CDH18: variants seen among roughly 807,000 people sequenced by gnomAD.
CDH18 encodes the protein cadherin 18, also known as cadherin-18.
In CDH18, 31 loss-of-function variants were observed where a neutral mutation model predicts 67.9. That is an observed-to-expected ratio of 0.46 (90% CI 0.34 to 0.62). CDH18 has a LOEUF of 0.62. Ranked by LOEUF, CDH18 falls within the 20% of genes least tolerant of loss-of-function variation. The pLI is 0.01. For missense variants in CDH18, 890 were observed against 975.5 expected, an observed-to-expected ratio of 0.91 and a Z score of 1.17; for synonymous variants, 362 against 347.2, an observed-to-expected ratio of 1.04 and a Z score of -0.48.
At chr5:19,702,944 C>G (rs1414196604) in intron 5 of CDH18, among the ~76,000 whole-genome samples, 2 of 152,166 alleles carry the variant, frequency 1.3e-5, no homozygotes, top group African/African-American at 4.8e-5. Context: ...GGACATGTTC[C>G]TGCTGCAGAT....
chr5:20,465,699 T>C (rs11954275), intron 1 of CDH18, among the ~76,000 whole-genome samples: 76,053 of 151,734 alleles, frequency 0.5, 19,372 homozygotes, highest in Middle Eastern at 0.53. Flanking sequence ...TTGTTGTGTT[T>C]ATGCAATCTG....
Position 20,046,646 on chromosome 5 carries a change from TTA to T in CDH18, c.-517-54634_-517-54633del, listed in dbSNP as rs561486623. Among the ~76,000 whole-genome samples the T allele has an allele frequency of 2.7e-3, 398 of 148,798 alleles. 1 individual carries two copies. The highest frequency in any genetic ancestry group is 9.2e-3 in the African/African-American group (378 of 40,970). On this transcript the variant is annotated intron_variant, in intron 2 of 14. Transcript: ENST00000507958. Reference sequence around the variant, plus strand: ...ATATAAAATATATAAAATATAAATTTTATATGTCTGTGTGAATATGTGTGTGT... The same window carrying T: ...ATATAAAATATATAAAATATAAATTTTATGTCTGTGTGAATATGTGTGTGT...
chr5:20,433,999 A>G (rs1291348844), intron 1 of CDH18, among the ~76,000 whole-genome samples: 1 of 152,102 alleles, frequency 6.6e-6, no homozygotes, highest in Non-Finnish European at 1.5e-5. Flanking sequence ...CATTGAGTTC[A>G]ACAACCATTT....
intron 2 of CDH18, among the ~76,000 whole-genome samples, chr5:20,175,223 A>G (rs1006335836): frequency 2.6e-5 from 4 of 152,046 alleles, no homozygotes. Flanking sequence ...TAACAGAGAG[A>G]GGAAAGAGAG....
intron 7 of CDH18, among the ~76,000 whole-genome samples, chr5:19,584,727 C>A (rs1250622439): frequency 1.6e-5 from 2 of 125,542 alleles, no homozygotes; most frequent in Admixed American, 1.0e-4. Flanking sequence ...GCTGGCAGAT[C>A]GTTTGGGCTC....
At chr5:20,280,369 C>T (rs1374449717) in intron 1 of CDH18, among the ~76,000 whole-genome samples, 1 of 152,058 alleles carries the variant, frequency 6.6e-6, no homozygotes, top group African/African-American at 2.4e-5. Flanking sequence ...CTCCTCCCAC[C>T]CAACAAAAGG....
intron 2 of CDH18, among the ~76,000 whole-genome samples, chr5:20,137,634 G>C (rs1749851541): frequency 1.3e-5 from 2 of 152,068 alleles, no homozygotes; most frequent in South Asian, 4.1e-4. Context: ...TTGCTGGCAA[G>C]GAGCTGCATT....
chr5:20,447,066 A>G (rs1750059178), intron 1 of CDH18, among the ~76,000 whole-genome samples: 1 of 152,144 alleles, frequency 6.6e-6, no homozygotes, highest in Admixed American at 6.6e-5. Context: ...TTCCTATAAC[A>G]TTTAACTTTG....
intron 2 of CDH18, among the ~76,000 whole-genome samples, chr5:20,206,646 A>T (rs1388834192): frequency 6.6e-6 from 1 of 151,988 alleles, no homozygotes; most frequent in Non-Finnish European, 1.5e-5. Flanking sequence ...AGAGGGGTTC[A>T]TCCCAGGATA....
chr5:20,517,918 T>C (rs1366353207), intron 1 of CDH18, among the ~76,000 whole-genome samples: 1 of 152,110 alleles, frequency 6.6e-6, no homozygotes. Context: ...ATTGAAGTTA[T>C]AGTTTTCTGT....
At chr5:20,128,170 T>C (rs1211440495) in intron 2 of CDH18, among the ~76,000 whole-genome samples, 2 of 152,060 alleles carry the variant, frequency 1.3e-5, no homozygotes, top group African/African-American at 2.4e-5. Context: ...CTAAACAGCC[T>C]ATTAATGTTT....
intron 3 of CDH18, among the ~76,000 whole-genome samples, chr5:19,836,150 T>G (rs74769277): frequency 0.041 from 6,313 of 152,246 alleles, 444 homozygotes; most frequent in African/African-American, 0.14. Context: ...ATAAAATATT[T>G]TTAATAATAA....
intron 2 of CDH18, among the ~76,000 whole-genome samples, chr5:20,125,788 A>T (rs756702265): frequency 2.0e-5 from 3 of 152,100 alleles, no homozygotes; most frequent in Non-Finnish European, 4.4e-5. Flanking sequence ...TACCACTGAG[A>T]CAATCATAGT....
intron 1 of CDH18, among the ~76,000 whole-genome samples, chr5:20,286,619 A>C (rs548463572): frequency 6.6e-6 from 1 of 151,774 alleles, no homozygotes; most frequent in East Asian, 1.9e-4. Flanking sequence ...TGTTTATTAA[A>C]CTTTTGCTCA....
intron 2 of CDH18, among the ~76,000 whole-genome samples, chr5:19,879,675 C>A (rs968654966): frequency 1.3e-5 from 2 of 151,786 alleles, no homozygotes; most frequent in East Asian, 3.9e-4. Context: ...TTAGAAACAC[C>A]AAAATATGAA....
At chr5:19,530,839 G>A (rs1369871046) in intron 9 of CDH18, among the ~76,000 whole-genome samples, 1 of 152,086 alleles carries the variant, frequency 6.6e-6, no homozygotes, top group East Asian at 1.9e-4. Flanking sequence ...ATCGTTGTTG[G>A]ACATTTGGCT....
intron 5 of CDH18, among the ~76,000 whole-genome samples, chr5:19,627,128 A>C (rs982331148): frequency 6.6e-6 from 1 of 152,176 alleles, no homozygotes; most frequent in East Asian, 1.9e-4. Context: ...TGGTAACTTG[A>C]AAATCAGTGG....
chr5:20,475,776 A>G (rs1247172845), intron 1 of CDH18, among the ~76,000 whole-genome samples: 2 of 152,186 alleles, frequency 1.3e-5, no homozygotes, highest in African/African-American at 4.8e-5. Flanking sequence ...CTTGCCCATT[A>G]CATTAGAGAG....
chr5:19,904,694 T>A (rs1161650021), intron 2 of CDH18, among the ~76,000 whole-genome samples: 1 of 152,264 alleles, frequency 6.6e-6, no homozygotes, highest in Non-Finnish European at 1.5e-5. Flanking sequence ...GAAAAACAAG[T>A]GTTGGATTTA....
Sources: gnomAD v4.1 joint callset for allele counts (sites outside exome capture counted in the v4.1 genomes callset) on GRCh38, gnomAD v4.1.1 for gene constraint, MANE v1.5 for transcripts, NCBI Gene and HGNC (gene_info 2026-07-23, HGNC 2026-07-21) for gene names.